The following POU2F2 variants were observed in gnomAD, a reference collection of about 807,000 sequenced individuals.
POU2F2 encodes POU class 2 homeobox 2.
Under a neutral mutation model 63.5 loss-of-function variants are expected in POU2F2, and 14 were observed. The observed-to-expected ratio is 0.22, with a 90% CI of 0.15 to 0.34. The LOEUF (loss-of-function observed/expected upper bound fraction) is 0.34. Among genes scored for constraint, POU2F2 ranks in the 10% least tolerant of loss-of-function variants. POU2F2 has a pLI of 1.00. For missense variants in POU2F2, 607 were observed against 815.2 expected, an observed-to-expected ratio of 0.74 and a Z score of 3.11; for synonymous variants, 306 against 348.6, an observed-to-expected ratio of 0.88 and a Z score of 1.36.
intron 1 of POU2F2, among the ~76,000 whole-genome samples, chr19:42,173,587 CATGCTGTCTAGG>C (rs1334840215): frequency 6.6e-6 from 1 of 151,640 alleles, no homozygotes; most frequent in Non-Finnish European, 1.5e-5. Flanking sequence ...ACCTGGCCAG[CATGCTGTCTAGG>C]ACGTATAGGC....
At chr19:42,181,743 T>C (rs1332312926) in intron 1 of POU2F2, among the ~76,000 whole-genome samples, 2 of 152,038 alleles carry the variant, frequency 1.3e-5, no homozygotes, top group African/African-American at 2.4e-5. Flanking sequence ...CATGCCACCA[T>C]GCCCAGCTAA....
At chr19:42,179,142 G>T (rs1463538917), upstream of POU2F2, among the ~76,000 whole-genome samples, 2 of 152,112 alleles carry the variant, frequency 1.3e-5, no homozygotes, top group Non-Finnish European at 2.9e-5. Context: ...GAAGGGACAG[G>T]CTGGGGTGAA....
chr19:42,163,718 G>C (rs1445662947), intron 1 of POU2F2, among the ~76,000 whole-genome samples: 1 of 152,166 alleles, frequency 6.6e-6, no homozygotes, highest in Non-Finnish European at 1.5e-5. Context: ...ACATGTGAGA[G>C]GCTTCACATC....
intron 5 of POU2F2, among the ~76,000 whole-genome samples, chr19:42,101,118 AAAAC>A (rs1313597913): frequency 6.6e-6 from 1 of 152,150 alleles, no homozygotes; most frequent in Non-Finnish European, 1.5e-5. Flanking sequence ...AAAACACAAC[AAAAC>A]AAACAAACAA....
Position 42,152,117 on chromosome 19 carries a change from A to C in POU2F2, c.-9+8215T>G, listed in dbSNP as rs966857279. On this transcript the variant is annotated intron_variant, in intron 2 of 6. Coordinates refer to the POU2F2 transcript ENST00000524801. The surrounding 1 kb of genome is among the most constrained non-coding windows in gnomAD (Gnocchi z 4.1). ...CCATGACACTGCGTCAGGGCCTCCCATCCACCCAGCCTGACTGTGGGGCGC... is the reference window on the plus strand; with the variant it reads ...CCATGACACTGCGTCAGGGCCTCCCCTCCACCCAGCCTGACTGTGGGGCGC... 6.6e-6 allele frequency among the ~76,000 whole-genome samples: 1 copy of C among 152,140 alleles called. No individual in the cohort carries two copies. The highest frequency in any genetic ancestry group is 2.4e-5 in the African/African-American group (1 of 41,422).
intron 5 of POU2F2, among the ~76,000 whole-genome samples, chr19:42,109,912 A>T (rs749850899): frequency 6.6e-6 from 1 of 152,238 alleles, no homozygotes; most frequent in Non-Finnish European, 1.5e-5. Context: ...GTATCAAAAC[A>T]TCATATTTTA....
chr19:42,188,914 A>AGGAAGGAG (rs2035045572), intron 1 of POU2F2, among the ~76,000 whole-genome samples: 1 of 127,894 alleles, frequency 7.8e-6, no homozygotes. Context: ...AGAGGAAGGA[A>AGGAAGGAG]GGAAGGAAGG....
At position 42,116,826 on chromosome 19, in the gene POU2F2, C is replaced by G. The variant is rs986026005; in HGVS notation, c.369+424G>C. On this transcript the variant is annotated intron_variant, in intron 5 of 14. Transcript: ENST00000692977. Reference sequence around the variant, plus strand: ...CAGAGGAGGCTGGGGGCTGTGAGGTCGAGGAGGAGGCAGAGGAGGAGGAGG... The same window carrying G: ...CAGAGGAGGCTGGGGGCTGTGAGGTGGAGGAGGAGGCAGAGGAGGAGGAGG... 14 of 390,216 alleles carry G rather than the reference C, an allele frequency of 3.6e-5. No individual in the cohort carries two copies. In the East Asian group the frequency reaches 1.0e-3, roughly 28 times the overall value. The allele number at this position is 390,216 out of a possible 1,614,324, so 24.2% of individuals were successfully genotyped here.
At chr19:42,141,507 G>A (rs1393102385) in intron 2 of POU2F2, among the ~76,000 whole-genome samples, 2 of 134,542 alleles carry the variant, frequency 1.5e-5, no homozygotes, top group African/African-American at 5.7e-5. Context: ...TTGAGAAGGA[G>A]TCTTGCTCTC....
chr19:42,110,768 A>G (rs1397835429), intron 5 of POU2F2: 1 of 455,998 alleles, frequency 2.2e-6, no homozygotes, highest in Non-Finnish European at 4.4e-6. Context: ...TGTTAAAGGA[A>G]TTAAATGAGA....
Position 42,171,213 on chromosome 19 carries a change from G to A in POU2F2, c.-70+4750C>T, listed in dbSNP as rs1480720701. 3.9e-5 allele frequency among the ~76,000 whole-genome samples: 6 copies of A among 152,248 alleles called. No individual in the cohort carries two copies. In the East Asian group the frequency reaches 5.8e-4, roughly 15 times the overall value. On this transcript the variant is annotated intron_variant, in intron 1 of 6. Coordinates refer to the POU2F2 transcript ENST00000524801. Reference sequence around the variant, plus strand: ...GTTCTGGTGGATTGTGAGGCTGTGTGTTTGAGTATGTGTGGAAGTCCGCTT... The same window carrying A: ...GTTCTGGTGGATTGTGAGGCTGTGTATTTGAGTATGTGTGGAAGTCCGCTT...
At position 42,153,974 on chromosome 19, in the gene POU2F2, C is replaced by T. The variant is rs1043540557; in HGVS notation, c.-9+6358G>A. 5.3e-5 allele frequency among the ~76,000 whole-genome samples: 8 copies of T among 152,022 alleles called. No homozygotes were observed. The highest frequency in any genetic ancestry group is 3.3e-4 in the Admixed American group (5 of 15,278). ...CCCTGCCAGGATGGGCCCAGGCCCC[C>T]GTCCCTCCCCCGGCACCTTGGGCAG... On this transcript the variant is annotated intron_variant, in intron 2 of 6. Coordinates refer to the POU2F2 transcript ENST00000524801. The surrounding 1 kb of genome is among the most constrained non-coding windows in gnomAD (Gnocchi z 5.6).
At chr19:42,125,125 A>T (rs1417870870) in intron 1 of POU2F2, among the ~76,000 whole-genome samples, 2 of 152,190 alleles carry the variant, frequency 1.3e-5, no homozygotes, top group African/African-American at 4.8e-5. Context: ...CACTGCACCA[A>T]GGCAGGTAGA....
chr19:42,124,667 G>A (rs2033022448), intron 1 of POU2F2, among the ~76,000 whole-genome samples: 2 of 152,186 alleles, frequency 1.3e-5, no homozygotes, highest in Admixed American at 6.5e-5. Flanking sequence ...CAGCCTAAGG[G>A]GCCGTCAACA....
chr19:42,163,128 C>T (rs2034583970), intron 1 of POU2F2, among the ~76,000 whole-genome samples: 2 of 152,058 alleles, frequency 1.3e-5, no homozygotes, highest in African/African-American at 2.4e-5. Context: ...CAAGATCTAA[C>T]GACTATGAGC....
chr19:42,146,335 G>A (rs1001507558), intron 2 of POU2F2, among the ~76,000 whole-genome samples: 8 of 152,142 alleles, frequency 5.3e-5, no homozygotes, highest in Non-Finnish European at 1.2e-4. Flanking sequence ...CTGTCCCATT[G>A]GCTCAGCAGA....
chr19:42,158,414 A>G (rs2034495967), intron 2 of POU2F2, among the ~76,000 whole-genome samples: 1 of 152,206 alleles, frequency 6.6e-6, no homozygotes, highest in Non-Finnish European at 1.5e-5. Flanking sequence ...AGGTAAAAGA[A>G]TGAGAGCTTT....
upstream of POU2F2, among the ~76,000 whole-genome samples, chr19:42,135,034 G>A (rs894178862): frequency 1.3e-5 from 2 of 151,940 alleles, no homozygotes; most frequent in African/African-American, 4.8e-5. Context: ...GGCCACCCCT[G>A]GGGACCCTCT....
chr19:42,111,027 C>A (rs2030998607), intron 5 of POU2F2, among the ~76,000 whole-genome samples: 1 of 152,224 alleles, frequency 6.6e-6, no homozygotes, highest in African/African-American at 2.4e-5. Context: ...CATGTCACCA[C>A]ACTTGAATGT....
Sources: gnomAD v4.1 joint callset for allele counts (sites outside exome capture counted in the v4.1 genomes callset) on GRCh38, gnomAD v4.1.1 for gene constraint, Gnocchi (gnomAD v3.1) non-coding constraint, MANE v1.5 for transcripts, NCBI Gene and HGNC (gene_info 2026-07-23, HGNC 2026-07-21) for gene names.